Variants in GLI4 observed in about 807,000 individuals in gnomAD.
The protein encoded by GLI4 is zinc finger protein GLI4.
GLI4 carries 34 observed loss-of-function variants against 30.9 expected under a neutral mutation model. The observed-to-expected ratio is 1.10, with a 90% CI of 0.84 to 1.47. The LOEUF (loss-of-function observed/expected upper bound fraction) is 1.47. Ranked by LOEUF, GLI4 falls within the 40% of genes most tolerant of loss-of-function variation. The pLI, the probability that GLI4 is intolerant of heterozygous loss-of-function variation, is 0.00. For missense variants in GLI4, 696 were observed against 538.9 expected, an observed-to-expected ratio of 1.29 and a Z score of -2.89; for synonymous variants, 277 against 236.7, an observed-to-expected ratio of 1.17 and a Z score of -1.56.
intron 2 of GLI4, among the ~76,000 whole-genome samples, chr8:143,270,587 C>T (rs1586726404): frequency 6.6e-6 from 1 of 152,178 alleles, no homozygotes; most frequent in Admixed American, 6.5e-5. Flanking sequence ...TGTGGCTGGG[C>T]CTCCAGCCCA....
intron 2 of GLI4, chr8:143,273,219 G>A (rs1815307927): frequency 6.6e-6 from 1 of 152,228 alleles, no homozygotes; most frequent in Non-Finnish European, 1.5e-5. Context: ...GGCCATCTGT[G>A]GAACAAGCCA....
intron 3 of GLI4, 108 bp from the exon 4 acceptor site, chr8:143,275,789 C>T: frequency 8.1e-7 from 1 of 1,241,858 alleles, no homozygotes; most frequent in South Asian, 3.8e-5. Context: ...CCCTCCTTGT[C>T]CCCTCTAAGC....
Position 143,269,623 on chromosome 8 carries a change from G to A in GLI4, c.124+103G>A, listed in dbSNP as rs750743876. The A allele has an allele frequency of 1.3e-4, 123 of 941,016 alleles. 2 individuals carry two copies. The highest frequency in any genetic ancestry group is 1.8e-4 in the Non-Finnish European group (103 of 583,208). The allele number at this position is 941,016 out of a possible 1,614,324, so 58.3% of individuals were successfully genotyped here. On this transcript the variant is annotated intron_variant, in intron 2 of 3. Transcript: ENST00000340042. ...TGCCACGCTGGCTGACTTGAGAGGC[G>A]CCTCCAGACACCTGTATGCAGCTCC...
At chr8:143,275,239 C>T in intron 3 of GLI4, 1 of 1,529,362 alleles carries the variant, frequency 6.5e-7, no homozygotes, top group Non-Finnish European at 8.7e-7. Context: ...AGGTCCCCTG[C>T]ACCTCCCCCT....
Position 143,276,202 on chromosome 8 carries a change from G to T in GLI4, c.529G>T (p.Ala177Ser), listed in dbSNP as rs750773969. The change falls in exon 4 of 4, where the codon GCG (alanine) becomes TCG (serine). Residue 177 changes from alanine (A) to serine (S), a missense_variant. Physicochemically the swap from Ala to Ser is moderately conservative, Grantham distance 99 (BLOSUM62 1). Coordinates refer to ENST00000340042, the MANE Select transcript of GLI4 (RefSeq NM_138465.4). ...VNFGRSRQGSARGAKPHRCEA... is the reference protein window; with the variant it reads ...VNFGRSRQGSSRGAKPHRCEA... The stretch of plus-strand genomic sequence containing the variant: ...CTTCGGTCGGAGCCGGCAGGGCAGC[G>T]CGCGGGGGGCCAAGCCGCACAGGTG... 7 of 1,571,954 alleles carry T rather than the reference G, an allele frequency of 4.5e-6. No homozygotes were observed. In the South Asian group the frequency reaches 8.0e-5, roughly 18 times the overall value.
intron 2 of GLI4, 117 bp from the exon 3 acceptor site, chr8:143,274,587 G>T: frequency 1.0e-6 from 1 of 981,848 alleles, no homozygotes; most frequent in Non-Finnish European, 1.4e-6. Context: ...GTTGGGATTG[G>T]GAGGGCCAGG....
rs1385075684 is a variant in GLI4 at position 143,269,502 on chromosome 8, C to T, written c.106C>T (p.Leu36Phe). The change falls in exon 2 of 4, where the codon CTC (leucine) becomes TTC (phenylalanine). Residue 36 changes from leucine to phenylalanine, a missense_variant. Coordinates refer to ENST00000340042, the MANE Select transcript of GLI4 (RefSeq NM_138465.4). The stretch of plus-strand genomic sequence containing the variant: ...CCAGCACCACGAGCCTCAGCTTCAC[C>T]TCCATGGGCATCAACATGGTACTCA... ...GTQHHEPQLH[L>F]HGHQHGSPGS... 9.3e-6 allele frequency: 15 copies of T among 1,612,990 alleles called. No homozygotes were observed. The highest frequency in any genetic ancestry group is 1.2e-5 in the Non-Finnish European group (14 of 1,179,540).
chr8:143,271,958 G>A (rs1223501141), intron 2 of GLI4, among the ~76,000 whole-genome samples: 1 of 152,214 alleles, frequency 6.6e-6, no homozygotes, highest in Non-Finnish European at 1.5e-5. Context: ...TGCAGATCAG[G>A]AGCTGGGCTG....
Position 143,276,229 on chromosome 8 carries a change from G to T in GLI4, c.556G>T (p.Glu186Ter). ...GCGGGGGGCCAAGCCGCACAGGTGC[G>T]AGGCCTGCGGCAAGAGTTTCAAGTA... ...SARGAKPHRC[E>*]ACGKSFKYNS... Residue 186 changes from glutamate to a stop codon, truncating the protein, a stop_gained, in exon 4 of 4, where the codon GAG (glutamate) becomes TAG (stop). Transcript: ENST00000340042. LOFTEE classifies it high-confidence loss of function. The T allele has an allele frequency of 6.3e-7, 1 of 1,598,726 alleles. No individual in the cohort carries two copies. The highest frequency in any genetic ancestry group is 8.5e-7 in the Non-Finnish European group (1 of 1,173,360).
At position 143,275,961 on chromosome 8, in the gene GLI4, G is replaced by T; in HGVS notation, c.288G>T (p.Ala96=). The change falls in exon 4 of 4, where the codon GCG becomes GCT. Residue 96 remains alanine (A), a synonymous_variant. Coordinates refer to ENST00000340042, the MANE Select transcript of GLI4 (RefSeq NM_138465.4). ...SPGSQAPDEG[A]GGALRSLLRS... ...GCTCTCAGGCCCCTGACGAGGGGGCGGGCGGGGCGCTGCGCAGCCTCCTGA... is the reference window on the plus strand; with the variant it reads ...GCTCTCAGGCCCCTGACGAGGGGGCTGGCGGGGCGCTGCGCAGCCTCCTGA... 1 of 1,332,182 alleles carries T rather than the reference G, an allele frequency of 7.5e-7. No homozygotes were observed. Among genetic ancestry groups the T allele is most frequent in the Non-Finnish European group, 9.6e-7 (1 of 1,041,814 alleles). 82.5% of individuals were successfully genotyped at this position (1,332,182 alleles called of 1,614,324 possible).
At chr8:143,270,544 C>T (rs1442343672) in intron 2 of GLI4, among the ~76,000 whole-genome samples, 1 of 152,200 alleles carries the variant, frequency 6.6e-6, no homozygotes, top group Non-Finnish European at 1.5e-5. Context: ...CCAGGGGCTA[C>T]CTGGAAGGAT....
Position 143,276,503 on chromosome 8 carries a change from G to A in GLI4, c.830G>A (p.Ser277Asn). The change falls in exon 4 of 4, where the codon AGC becomes AAC. Residue 277 changes from serine (S) to asparagine (N), a missense_variant. Physicochemically the swap from Ser to Asn is conservative, Grantham distance 46. Coordinates refer to ENST00000340042, the MANE Select transcript of GLI4 (RefSeq NM_138465.4). The part of the protein sequence containing the change: ...YKCGECGQAF[S>N]QSSNLVRHQR... ...TGCGGCGAGTGCGGCCAGGCCTTCA[G>A]CCAGAGCTCCAACCTGGTGCGCCAC... 1 of 1,612,850 alleles carries A rather than the reference G, an allele frequency of 6.2e-7. No individual in the cohort carries two copies. Among genetic ancestry groups the A allele is most frequent in the Non-Finnish European group, 8.5e-7 (1 of 1,179,802 alleles).
At chr8:143,275,192 T>C in intron 3 of GLI4, 1 of 1,535,632 alleles carries the variant, frequency 6.5e-7, no homozygotes, top group Non-Finnish European at 8.7e-7. Flanking sequence ...CTGCATCCCC[T>C]AGATGGCCTC....
chr8:143,271,741 C>G (rs986045331), intron 2 of GLI4, among the ~76,000 whole-genome samples: 1 of 152,064 alleles, frequency 6.6e-6, no homozygotes, highest in African/African-American at 2.4e-5. Context: ...CAAGTAGGAG[C>G]CGTTTATCAG....
intron 1 of GLI4, 153 bp downstream of exon 1, chr8:143,267,637 C>T (rs1472881933): frequency 2.0e-6 from 2 of 984,068 alleles, no homozygotes; most frequent in Non-Finnish European, 1.2e-6. Flanking sequence ...GGGCCAAGCC[C>T]GGGGAGCGGG....
At chr8:143,272,020 C>T (rs1339256097) in intron 2 of GLI4, among the ~76,000 whole-genome samples, 1 of 152,198 alleles carries the variant, frequency 6.6e-6, no homozygotes. Flanking sequence ...TGTGTTGTGC[C>T]CCAAGGCCAC....
rs768702629 is a variant in GLI4, at chr8:143,275,963, G to A, written c.290G>A (p.Gly97Asp). 7.5e-7 allele frequency: 1 copy of A among 1,333,038 alleles called. No individual in the cohort carries two copies. Among genetic ancestry groups the A allele is most frequent in the Non-Finnish European group, 9.6e-7 (1 of 1,042,440 alleles). The allele number at this position is 1,333,038 out of a possible 1,614,324, so 82.6% of individuals were successfully genotyped here. The change falls in exon 4 of 4, where the codon GGC (glycine) becomes GAC (aspartate). Residue 97 changes from glycine (G) to aspartate (D), a missense_variant. Transcript: ENST00000340042. ...PGSQAPDEGAGGALRSLLRSL... is the reference protein window; with the variant it reads ...PGSQAPDEGADGALRSLLRSL... Reference sequence around the variant, plus strand: ...TCTCAGGCCCCTGACGAGGGGGCGGGCGGGGCGCTGCGCAGCCTCCTGAGG... The same window carrying A: ...TCTCAGGCCCCTGACGAGGGGGCGGACGGGGCGCTGCGCAGCCTCCTGAGG...
rs901236542 is a variant in GLI4, at chr8:143,276,738, C to T, written c.1065C>T (p.Ala355=). The change falls in exon 4 of 4, where the codon GCC becomes GCT. Residue 355 remains alanine (A), a synonymous_variant. Transcript: ENST00000340042. ...GCGAGAAGCCCTTCGCGTGTGGCGC[C>T]TGCGGCAAGGCCTTCGGCCAGAGCT... is the stretch of plus-strand genomic sequence containing the variant. ...HTGEKPFACG[A]CGKAFGQSSQ... The T allele has an allele frequency of 1.2e-6, 2 of 1,608,642 alleles. No individual in the cohort carries two copies. Among genetic ancestry groups the T allele is most frequent in the Non-Finnish European group, 8.5e-7 (1 of 1,178,132 alleles).
Position 143,276,422 on chromosome 8 carries a change from A to G in GLI4, c.749A>G (p.His250Arg), listed in dbSNP as rs764338020. The G allele has an allele frequency of 6.2e-7, 1 of 1,611,994 alleles. No homozygotes were observed. The highest frequency in any genetic ancestry group is 8.5e-7 in the Non-Finnish European group (1 of 1,179,604). Residue 250 changes from histidine to arginine, a missense_variant, in exon 4 of 4, where the codon CAC (histidine) becomes CGC (arginine). Physicochemically the swap from His to Arg is conservative, Grantham distance 29 (BLOSUM62 0). Coordinates refer to ENST00000340042, the MANE Select transcript of GLI4 (RefSeq NM_138465.4). ...ECGQCGRAFS[H>R]SSHFTQHLRI... ...GGCCAGTGCGGCCGCGCCTTCAGCC[A>G]CAGCTCGCACTTCACGCAGCACCTG...
Sources: gnomAD v4.1 joint callset for allele counts (sites outside exome capture counted in the v4.1 genomes callset) on GRCh38, gnomAD v4.1.1 for gene constraint, MANE v1.5 for transcripts, NCBI Gene and HGNC (gene_info 2026-07-23, HGNC 2026-07-21) for gene names.